SLC14A2: variants seen among roughly 807,000 people sequenced by gnomAD.
SLC14A2 encodes solute carrier family 14 member 2.
SLC14A2 carries 91 observed loss-of-function variants against 104.6 expected under a neutral mutation model. The observed-to-expected ratio is 0.87, with a 90% confidence interval of 0.73 to 1.04. SLC14A2 has a LOEUF of 1.04. SLC14A2 is among the 50% of genes least tolerant of loss of function. SLC14A2 has a pLI of 0.00. For missense variants in SLC14A2, 1,189 were observed against 1,156.0 expected (o/e 1.03, Z -0.41); for synonymous variants, 476 against 466.4 (o/e 1.02, Z -0.27).
chr18:45,576,133 A>G (rs6507624), intron 2 of SLC14A2, among the ~76,000 whole-genome samples: 86,290 of 151,972 alleles, frequency 0.57, 24,580 homozygotes, highest in Middle Eastern at 0.64. Context: ...AAACTGTCCC[A>G]GCTTAGTGTT....
At chr18:45,318,786 TAA>T (rs560105461) in intron 1 of SLC14A2, among the ~76,000 whole-genome samples, 7 of 135,852 alleles carry the variant, frequency 5.2e-5, no homozygotes, top group Admixed American at 2.2e-4. Context: ...AAACTCTGTC[TAA>T]AAAAAAAAAA....
chr18:45,627,078 G>A lies in SLC14A2; in HGVS notation c.452G>A (p.Trp151Ter). ...ATAGGGCTGCTGATCCAGAATCCCT[G>A]GTGGACAATCACTGGGGGCCTGGGG... is the stretch of plus-strand genomic sequence containing the variant. ...IFIGLLIQNP[W>*]WTITGGLGTV... The change falls in exon 4 of 20, where the codon TGG becomes TAG. Residue 151 changes from tryptophan (W) to a stop codon, truncating the protein, a stop_gained. Transcript: ENST00000255226. LOFTEE classifies it high-confidence loss of function. The A allele has an allele frequency of 6.8e-6, 11 of 1,614,012 alleles. No homozygotes were observed. The highest frequency in any genetic ancestry group is 9.3e-6 in the Non-Finnish European group (11 of 1,180,006).
intron 18 of SLC14A2, among the ~76,000 whole-genome samples, chr18:45,675,711 T>TATA (rs1568006254): frequency 0.016 from 778 of 49,068 alleles, 1 homozygote; most frequent in African/African-American, 0.02. Context: ...ATATATATAT[T>TATA]TTTTTTTTTT....
At chr18:45,209,676 T>C (rs541785124), upstream of SLC14A2, among the ~76,000 whole-genome samples, 9 of 152,306 alleles carry the variant, frequency 5.9e-5, no homozygotes, top group East Asian at 1.7e-3. Flanking sequence ...CTTGGACTGC[T>C]GTGGACCTTG....
chr18:45,336,227 A>G (rs1445524060), intron 1 of SLC14A2, among the ~76,000 whole-genome samples: 1 of 152,200 alleles, frequency 6.6e-6, no homozygotes, highest in Non-Finnish European at 1.5e-5. Context: ...CATAAGGAAA[A>G]CACTTAAAAG....
At chr18:45,308,726 C>A (rs1447150132) in intron 1 of SLC14A2, among the ~76,000 whole-genome samples, 2 of 152,150 alleles carry the variant, frequency 1.3e-5, no homozygotes, top group Non-Finnish European at 2.9e-5. Context: ...CAAATCATAA[C>A]CCCATTATAA....
chr18:45,230,256 C>T (rs568323197), intron 1 of SLC14A2, among the ~76,000 whole-genome samples: 1 of 152,258 alleles, frequency 6.6e-6, no homozygotes, highest in Admixed American at 6.5e-5. Context: ...GGCTTAAACA[C>T]CCCAAATGTA....
chr18:45,194,463 T>A, the SLC14A2 span, among the ~76,000 whole-genome samples: 2 of 152,180 alleles, frequency 1.3e-5, no homozygotes, highest in Non-Finnish European at 2.9e-5. Context: ...CTCATTCGTT[T>A]AGATTTTAGT....
chr18:45,368,743 T>C (rs140896444), intron 1 of SLC14A2, among the ~76,000 whole-genome samples: 1 of 152,286 alleles, frequency 6.6e-6, no homozygotes, highest in Admixed American at 6.5e-5. Flanking sequence ...CACAACCTGC[T>C]CTGAATTTCG....
intron 2 of SLC14A2, among the ~76,000 whole-genome samples, chr18:45,600,820 A>C (rs1215351009): frequency 6.6e-6 from 1 of 152,208 alleles, no homozygotes; most frequent in African/African-American, 2.4e-5. Context: ...CTTTTAAATA[A>C]TTGAAAATAT....
intron 1 of SLC14A2, among the ~76,000 whole-genome samples, chr18:45,347,422 G>A (rs1429053306): frequency 3.9e-5 from 6 of 152,182 alleles, no homozygotes; most frequent in East Asian, 1.9e-4. Flanking sequence ...CATGTTCATA[G>A]TATGAAGTAG....
At chr18:45,236,467 A>G (rs1301583339) in intron 1 of SLC14A2, among the ~76,000 whole-genome samples, 1 of 72,614 alleles carries the variant, frequency 1.4e-5, no homozygotes, top group Admixed American at 1.5e-4. Flanking sequence ...ATATGTGTAT[A>G]TATACATGTA....
At chr18:45,644,643 A>G (rs2045588483) in intron 10 of SLC14A2, among the ~76,000 whole-genome samples, 1 of 152,094 alleles carries the variant, frequency 6.6e-6, no homozygotes, top group South Asian at 2.1e-4. Context: ...CAAAGAGAGG[A>G]ATTTCACACT....
intron 2 of SLC14A2, among the ~76,000 whole-genome samples, chr18:45,610,198 C>CA (rs1193926082): frequency 6.7e-6 from 1 of 149,898 alleles, no homozygotes; most frequent in Non-Finnish European, 1.5e-5. Context: ...AGGTGTTATT[C>CA]AAAATACAGA....
upstream of SLC14A2, chr18:45,212,950 T>G (rs367639494): frequency 6.6e-6 from 1 of 152,466 alleles, no homozygotes; most frequent in African/African-American, 2.4e-5. Flanking sequence ...TGCTCCATAG[T>G]GCCTCCTTAG....
chr18:45,405,789 C>T (rs2086147848), intron 1 of SLC14A2, among the ~76,000 whole-genome samples: 1 of 151,312 alleles, frequency 6.6e-6, no homozygotes, highest in African/African-American at 2.4e-5. Flanking sequence ...ATCCCAGCTA[C>T]TGGGGAGGCT....
intron 2 of SLC14A2, among the ~76,000 whole-genome samples, chr18:45,608,748 C>T (rs1411921812): frequency 6.6e-6 from 1 of 152,208 alleles, no homozygotes; most frequent in Non-Finnish European, 1.5e-5. Context: ...GCACACATCC[C>T]TTAATGCTCA....
intron 5 of SLC14A2, among the ~76,000 whole-genome samples, chr18:45,632,865 G>C (rs966290702): frequency 6.6e-6 from 1 of 152,154 alleles, no homozygotes; most frequent in South Asian, 2.1e-4. Flanking sequence ...TTTTAGTAGA[G>C]ACAGGGTTTC....
At chr18:45,448,817 G>A (rs1406074208) in intron 1 of SLC14A2, among the ~76,000 whole-genome samples, 1 of 152,336 alleles carries the variant, frequency 6.6e-6, no homozygotes, top group East Asian at 1.9e-4. Flanking sequence ...TGTATTTGCA[G>A]ATTTTTAGAT....
Sources: allele counts gnomAD v4.1 joint callset (sites outside exome capture counted in the v4.1 genomes callset), GRCh38; gene constraint gnomAD v4.1.1; transcripts MANE v1.5; gene names NCBI Gene and HGNC (gene_info 2026-07-23, HGNC 2026-07-21).